Variants in BRIP1 observed in about 807,000 individuals in gnomAD.
BRIP1 encodes the protein Fanconi anemia group J protein.
BRIP1 carries 88 observed loss-of-function variants against 119.7 expected under a neutral mutation model. The observed-to-expected ratio is 0.74, with a 90% CI of 0.62 to 0.88. The LOEUF (loss-of-function observed/expected upper bound fraction) is 0.88, where lower values mean the gene tolerates loss of function less well. Ranked by LOEUF, BRIP1 falls within the 40% of genes least tolerant of loss-of-function variation. The probability of loss-of-function intolerance (pLI) is 0.00; values close to 1 mark genes in which losing one functional copy is unlikely to be tolerated. For synonymous variants in BRIP1, 443 were observed against 496.5 expected, an observed-to-expected ratio of 0.89 and a Z score of 1.43; for missense variants, 1,259 against 1,455.4, an observed-to-expected ratio of 0.87 and a Z score of 2.20.
Position 61,848,883 on chromosome 17 carries a change from T to C in BRIP1, c.507+246A>G, listed in dbSNP as rs569328789. Among the ~76,000 whole-genome samples, 7 of 152,326 alleles carry C rather than the reference T, an allele frequency of 4.6e-5. No homozygotes were observed. The East Asian group carries it at 9.6e-4, about 21-fold the overall frequency. ...GATATGCCTTAAGTAAATATTTTAC[T>C]ATCAAATTCCTCATATATAAGAAAC... is the stretch of plus-strand genomic sequence containing the variant. On this transcript the variant is annotated intron_variant, in intron 5 of 19. Transcript: ENST00000259008. This position sits in a 1 kb window ranked among gnomAD's most constrained non-coding sequence, Gnocchi z 4.3.
In BRIP1 at chr17:61,739,441, T is replaced by C; in HGVS notation, c.2379+3572A>G. ...GAAAGGTAGTAGAAACCACCAAAGT[T>C]ACTGGAGGCTGAAAAAGTATTAGAC... is the stretch of plus-strand genomic sequence containing the variant. On this transcript the variant is annotated intron_variant, in intron 16 of 19. Transcript: ENST00000259008. This position sits in a 1 kb window ranked among gnomAD's most constrained non-coding sequence, Gnocchi z 6.0. 1 of 182,852 alleles carries C rather than the reference T, an allele frequency of 5.5e-6. No homozygotes were observed. Among genetic ancestry groups the C allele is most frequent in the Non-Finnish European group, 1.2e-5 (1 of 85,818 alleles). 11.3% of individuals were successfully genotyped at this position (182,852 alleles called of 1,614,324 possible).
rs1208475884 is a variant in BRIP1, at chr17:61,742,168, C to G, written c.2379+845G>C. 6.6e-6 allele frequency among the ~76,000 whole-genome samples: 1 copy of G among 152,224 alleles called. No homozygotes were observed. Among genetic ancestry groups the G allele is most frequent in the Non-Finnish European group, 1.5e-5 (1 of 68,048 alleles). On this transcript the variant is annotated intron_variant, in intron 16 of 19. Transcript: ENST00000259008. The surrounding 1 kb of genome is among the most constrained non-coding windows in gnomAD (Gnocchi z 4.7). ...CTCATGAAACAACCTCTGCTAGCTT[C>G]AAACTTTTCTGCAGCCTCCTCACCT...
chr17:61,702,972 C>CTTT (rs61428664), intron 17 of BRIP1, among the ~76,000 whole-genome samples: 1 of 125,222 alleles, frequency 8.0e-6, no homozygotes. Flanking sequence ...AGCATCTGTT[C>CTTT]TTTTTTTTTT....
intron 8 of BRIP1, among the ~76,000 whole-genome samples, chr17:61,800,253 A>T (rs770662565): frequency 2.1e-4 from 32 of 152,178 alleles, no homozygotes; most frequent in Non-Finnish European, 3.4e-4. Context: ...ACTGTCACAA[A>T]GCAATTGTCA....
chr17:61,842,452 C>A lies in BRIP1; in HGVS notation c.627+4649G>T, dbSNP rs894875492. Among the ~76,000 whole-genome samples, 7 of 152,094 alleles carry A rather than the reference C, an allele frequency of 4.6e-5. No individual in the cohort carries two copies. In the South Asian group the frequency reaches 1.2e-3, roughly 27 times the overall value. On this transcript the variant is annotated intron_variant, in intron 6 of 19. Coordinates refer to ENST00000259008, the MANE Select transcript of BRIP1 (RefSeq NM_032043.3). The surrounding 1 kb of genome is among the most constrained non-coding windows in gnomAD (Gnocchi z 5.1). The stretch of plus-strand genomic sequence containing the variant: ...GCTGTAAGAGAGAATTCTGAATATT[C>A]GCAACACAAAGAAATGACAAATGTT...
intron 14 of BRIP1, among the ~76,000 whole-genome samples, chr17:61,772,571 C>G (rs1191380029): frequency 1.3e-5 from 2 of 152,090 alleles, no homozygotes; most frequent in Admixed American, 1.3e-4. Flanking sequence ...GTAATCCCAG[C>G]ACTTTGGGAG....
chr17:61,792,444 A>G lies in BRIP1; in HGVS notation c.1473+1153T>C, dbSNP rs371241023. Among the ~76,000 whole-genome samples the G allele has an allele frequency of 1.2e-4, 18 of 152,350 alleles. No individual in the cohort carries two copies. In the East Asian group the frequency reaches 1.7e-3, roughly 15 times the overall value. On this transcript the variant is annotated intron_variant, in intron 10 of 19. Transcript: ENST00000259008. ...AATGTTTCTTTCAGTAGGTGAATGG[A>G]TAAACTGTGGTACATCCAAATAATG...
rs1401201962 is a variant in BRIP1, at chr17:61,809,344, G to T, written c.628-587C>A. 1.3e-5 allele frequency among the ~76,000 whole-genome samples: 2 copies of T among 152,122 alleles called. No individual in the cohort carries two copies. The highest frequency in any genetic ancestry group is 2.9e-5 in the Non-Finnish European group (2 of 67,998). ...ATATTAATATTTAATAATGAAAGCA[G>T]GTTGCTTGTGTGGAACAAGTATATC... On this transcript the variant is annotated intron_variant, in intron 6 of 19. Transcript: ENST00000259008. The surrounding 1 kb of genome is among the most constrained non-coding windows in gnomAD (Gnocchi z 5.2).
rs927120820 is a variant in BRIP1, at chr17:61,691,407, C to G, written c.2575+2023G>C. Among the ~76,000 whole-genome samples the G allele has an allele frequency of 2.0e-5, 3 of 152,042 alleles. No individual in the cohort carries two copies. Among genetic ancestry groups the G allele is most frequent in the African/African-American group, 7.2e-5 (3 of 41,410 alleles). On this transcript the variant is annotated intron_variant, in intron 18 of 19. Coordinates refer to ENST00000259008, the MANE Select transcript of BRIP1 (RefSeq NM_032043.3). This position sits in a 1 kb window ranked among gnomAD's most constrained non-coding sequence, Gnocchi z 5.0. ...TAACACAAATAAATGGAAAGATATC[C>G]CATGTTCACAGATTGGAACACCTAA... is the stretch of plus-strand genomic sequence containing the variant.
rs1289148427 is a variant in BRIP1 at position 61,748,963 on chromosome 17, C to T, written c.2098-4372G>A. ...CCATCCTGGCTAACACGGTGAAACC[C>T]CATCTCTACTAAAAATACAAAAAAT... is the stretch of plus-strand genomic sequence containing the variant. On this transcript the variant is annotated intron_variant, in intron 14 of 19. Transcript: ENST00000259008. This position sits in a 1 kb window ranked among gnomAD's most constrained non-coding sequence, Gnocchi z 4.7. Among the ~76,000 whole-genome samples the T allele has an allele frequency of 6.6e-6, 1 of 152,008 alleles. No homozygotes were observed. The highest frequency in any genetic ancestry group is 1.5e-5 in the Non-Finnish European group (1 of 67,992).
chr17:61,760,736 T>C lies in BRIP1; in HGVS notation c.2097+15665A>G, dbSNP rs1007518550. Among the ~76,000 whole-genome samples the C allele has an allele frequency of 5.9e-5, 9 of 151,700 alleles. No homozygotes were observed. Among genetic ancestry groups the C allele is most frequent in the African/African-American group, 1.9e-4 (8 of 41,358 alleles). ...CTACCAAGACTGCATCATAAAGAAA[T>C]AGAAAATTTAAACAGACCAATAATG... On this transcript the variant is annotated intron_variant, in intron 14 of 19. Transcript: ENST00000259008. The surrounding 1 kb of genome is among the most constrained non-coding windows in gnomAD (Gnocchi z 4.6).
intron 11 of BRIP1, chr17:61,784,024 G>A: frequency 2.7e-6 from 1 of 369,162 alleles, no homozygotes; most frequent in Non-Finnish European, 4.9e-6. Flanking sequence ...CAAAGTTGCA[G>A]TGAGCTGTGA....
rs1158260231 is a variant in BRIP1, at chr17:61,690,457, TA to T, written c.2575+2972del. Among the ~76,000 whole-genome samples, 4 of 152,336 alleles carry T rather than the reference TA, an allele frequency of 2.6e-5. No homozygotes were observed. The highest frequency in any genetic ancestry group is 9.6e-5 in the African/African-American group (4 of 41,588). On this transcript the variant is annotated intron_variant, in intron 18 of 19. Transcript: ENST00000259008. This position sits in a 1 kb window ranked among gnomAD's most constrained non-coding sequence, Gnocchi z 5.6. The stretch of plus-strand genomic sequence containing the variant: ...ATGGGAAAAGTAAAAGTGTAGAGTT[TA>T]TACAACTGAAATGAATTTGTTAGCT...
rs2145436450 is a variant in BRIP1 at position 61,810,224 on chromosome 17, A to G, written c.628-1467T>C. Among the ~76,000 whole-genome samples, 1 of 152,326 alleles carries G rather than the reference A, an allele frequency of 6.6e-6. No individual in the cohort carries two copies. Among genetic ancestry groups the G allele is most frequent in the East Asian group, 1.9e-4 (1 of 5,188 alleles). On this transcript the variant is annotated intron_variant, in intron 6 of 19. Transcript: ENST00000259008. The surrounding 1 kb of genome is among the most constrained non-coding windows in gnomAD (Gnocchi z 4.7). ...TGCCTTCTATATTGAATAATTACTT[A>G]TTCACTAAAAGGATAAAAAGAAGAG...
At position 61,744,421 on chromosome 17, in the gene BRIP1, T is replaced by C. The variant is rs1213506782; in HGVS notation, c.2257+11A>G. The C allele has an allele frequency of 6.2e-7, 1 of 1,612,338 alleles. No individual in the cohort carries two copies. ...TATTTTTTCACCGACCATGAAATAATTTCCAGTTACCTTTCTCTCCTTTGT... is the reference window on the plus strand; with the variant it reads ...TATTTTTTCACCGACCATGAAATAACTTCCAGTTACCTTTCTCTCCTTTGT... On this transcript the variant is annotated intron_variant, in intron 15 of 19. Coordinates refer to ENST00000259008, the MANE Select transcript of BRIP1 (RefSeq NM_032043.3). This position sits in a 1 kb window ranked among gnomAD's most constrained non-coding sequence, Gnocchi z 5.0.
At chr17:61,750,726 C>T (rs1022262571) in intron 14 of BRIP1, among the ~76,000 whole-genome samples, 3 of 144,290 alleles carry the variant, frequency 2.1e-5, no homozygotes, top group Admixed American at 6.9e-5. Flanking sequence ...AAAAAAAGGC[C>T]CAAAGGACAT....
chr17:61,745,950 T>A lies in BRIP1; in HGVS notation c.2098-1359A>T, dbSNP rs911853302. 2.0e-5 allele frequency among the ~76,000 whole-genome samples: 3 copies of A among 152,150 alleles called. No homozygotes were observed. The highest frequency in any genetic ancestry group is 7.2e-5 in the African/African-American group (3 of 41,446). ...CTGAATAAATGAAAAAGACAAAAGC[T>A]AATATTAGAGATTATTATTTAAATT... is the stretch of plus-strand genomic sequence containing the variant. On this transcript the variant is annotated intron_variant, in intron 14 of 19. Coordinates refer to ENST00000259008, the MANE Select transcript of BRIP1 (RefSeq NM_032043.3). This position sits in a 1 kb window ranked among gnomAD's most constrained non-coding sequence, Gnocchi z 4.4.
rs1270834166 is a variant in BRIP1 at position 61,841,988 on chromosome 17, T to C, written c.627+5113A>G. Among the ~76,000 whole-genome samples the C allele has an allele frequency of 6.6e-6, 1 of 152,186 alleles. No homozygotes were observed. The highest frequency in any genetic ancestry group is 1.5e-5 in the Non-Finnish European group (1 of 68,016). On this transcript the variant is annotated intron_variant, in intron 6 of 19. Transcript: ENST00000259008. The surrounding 1 kb of genome is among the most constrained non-coding windows in gnomAD (Gnocchi z 4.1). ...GAGCCACCACACCCAGCCAACACCA[T>C]GTTTATTGCAGCGCTATTCATAATA...
Position 61,683,360 on chromosome 17 carries a change from A to G in BRIP1, c.3686T>C (p.Ile1229Thr), listed in dbSNP as rs1157058742. The part of the protein sequence containing the change: ...NELELGKTHE[I>T]EIKNFKPSPS... ...AGATGGTTTAAAGTTCTTTATTTCT[A>G]TTTCATGAGTTTTTCCCAGTTCCAG... The change falls in exon 20 of 20, where the codon ATA becomes ACA. Residue 1229 changes from isoleucine to threonine, a missense_variant. Coordinates refer to ENST00000259008, the MANE Select transcript of BRIP1 (RefSeq NM_032043.3). The surrounding 1 kb of genome is among the most constrained non-coding windows in gnomAD (Gnocchi z 4.7). The G allele has an allele frequency of 6.2e-7, 1 of 1,611,816 alleles. No homozygotes were observed. Among genetic ancestry groups the G allele is most frequent in the Admixed American group, 1.7e-5 (1 of 59,828 alleles).
Sources: allele counts gnomAD v4.1 joint callset (sites outside exome capture counted in the v4.1 genomes callset), GRCh38; gene constraint gnomAD v4.1.1; non-coding constraint Gnocchi (gnomAD v3.1); transcripts MANE v1.5; gene names NCBI Gene and HGNC (gene_info 2026-07-23, HGNC 2026-07-21).